LARP6: variants seen among roughly 807,000 people sequenced by gnomAD.
The protein encoded by LARP6 is la-related protein 6.
LARP6 carries 18 observed loss-of-function variants against 32.8 expected under a neutral mutation model. The observed-to-expected ratio is 0.55, with a 90% CI of 0.38 to 0.81. The LOEUF (loss-of-function observed/expected upper bound fraction) is 0.81, where lower values mean the gene tolerates loss of function less well. LARP6 is among the 40% of genes least tolerant of loss of function. The pLI, the probability that LARP6 is intolerant of heterozygous loss-of-function variation, is 0.00. For missense variants in LARP6, 598 were observed against 663.1 expected, an observed-to-expected ratio of 0.90 and a Z score of 1.08; for synonymous variants, 289 against 267.2, an observed-to-expected ratio of 1.08 and a Z score of -0.80.
chr15:70,843,945 C>T (rs866902196), intron 1 of LARP6, among the ~76,000 whole-genome samples: 74 of 147,042 alleles, frequency 5.0e-4, no homozygotes, highest in Middle Eastern at 4.0e-3. Context: ...CGTGAGCAAC[C>T]GCGCCCGACC....
At chr15:70,844,075 A>G (rs904632439) in intron 1 of LARP6, among the ~76,000 whole-genome samples, 2 of 149,408 alleles carry the variant, frequency 1.3e-5, no homozygotes, top group Admixed American at 6.7e-5. Context: ...TCCCACCTCA[A>G]CCTCTCAAGT....
chr15:70,832,966 C>G lies in LARP6; in HGVS notation c.562G>C (p.Val188Leu), dbSNP rs762250211. Residue 188 changes from valine (V) to leucine (L), a missense_variant, in exon 3 of 3, where the codon GTC (valine) becomes CTC (leucine). This residue lies in a region of LARP6 where 69 missense variants were observed against 116.7 expected (regional missense o/e 0.59). Transcript: ENST00000299213. The part of the protein sequence containing the change: ...NENLPSKMLL[V>L]YDLYLSPKLW... ...TTAGGAGACAAGTAGAGATCATAGA[C>G]CAGGAGCATCTTGCTGGGGAGGTTC... is the stretch of plus-strand genomic sequence containing the variant. 6.2e-7 allele frequency: 1 copy of G among 1,610,302 alleles called. No homozygotes were observed.
chr15:70,852,531 G>A (rs117569852), intron 1 of LARP6, among the ~76,000 whole-genome samples: 4,665 of 152,226 alleles, frequency 0.031, 106 homozygotes, highest in Middle Eastern at 0.078. Flanking sequence ...AAAGTTATAA[G>A]GATAAACCAC....
chr15:70,839,136 C>T (rs1002691113), intron 1 of LARP6, among the ~76,000 whole-genome samples: 3 of 152,070 alleles, frequency 2.0e-5, no homozygotes, highest in South Asian at 2.1e-4. Context: ...ACTGATGTCT[C>T]AAGGTAAATG....
chr15:70,844,308 A>G (rs944407406), intron 1 of LARP6, among the ~76,000 whole-genome samples: 28 of 152,186 alleles, frequency 1.8e-4, no homozygotes, highest in Non-Finnish European at 1.5e-4. Context: ...TTCCATAAAC[A>G]TTAAAAAGTA....
At chr15:70,839,153 G>A (rs1246804192) in intron 1 of LARP6, among the ~76,000 whole-genome samples, 1 of 152,118 alleles carries the variant, frequency 6.6e-6, no homozygotes, top group East Asian at 1.9e-4. Context: ...AATGTAGAGT[G>A]AAGAAGCCTG....
chr15:70,836,689 C>T (rs2032154875), intron 1 of LARP6, among the ~76,000 whole-genome samples, 184 bp from the exon 2 acceptor site: 1 of 152,168 alleles, frequency 6.6e-6, no homozygotes, highest in African/African-American at 2.4e-5. Flanking sequence ...CCTAATCCAA[C>T]ACAACTAGGG....
chr15:70,832,619 G>A lies in LARP6; in HGVS notation c.909C>T (p.Asp303=), dbSNP rs1595949293. Residue 303 remains aspartate, a synonymous_variant, in exon 3 of 3, where the codon GAC becomes GAT. Transcript: ENST00000299213. The part of the protein sequence containing the change: ...MKPPKKKPAK[D]KNHDEEPTAS... ...CAGTGGGCTCCTCGTCATGATTTTT[G>A]TCTTTGGCAGGTTTCTTTTTGGGTG... 7 of 1,607,208 alleles carry A rather than the reference G, an allele frequency of 4.4e-6. No individual in the cohort carries two copies. The East Asian group carries it at 1.6e-4, about 36-fold the overall frequency.
rs1159868434 is a variant in LARP6, at chr15:70,841,006, T to TG, written c.201-4502dup. On this transcript the variant is annotated intron_variant, in intron 1 of 2. Transcript: ENST00000299213. ...TCGGCTCACTGCAAGCTCCGCCTCC[T>TG]GGGTTCATGCCATTCTCCTGCCTCA... is the stretch of plus-strand genomic sequence containing the variant. 5.7e-4 allele frequency among the ~76,000 whole-genome samples: 86 copies of TG among 151,678 alleles called. No homozygotes were observed. In the East Asian group the frequency reaches 0.016, roughly 29 times the overall value.
rs572768870 is a variant in LARP6 at position 70,845,932 on chromosome 15, T to C, written c.200+7957A>G. Among the ~76,000 whole-genome samples, 21 of 152,406 alleles carry C rather than the reference T, an allele frequency of 1.4e-4. No homozygotes were observed. In the East Asian group the frequency reaches 3.9e-3, roughly 28 times the overall value. On this transcript the variant is annotated intron_variant, in intron 1 of 2. Coordinates refer to ENST00000299213, the MANE Select transcript of LARP6 (RefSeq NM_018357.4). The stretch of plus-strand genomic sequence containing the variant: ...CTTTCGCATCCCTAGATCTCCGTAG[T>C]GAGCTCATTCAATTCCTTTAGAAAA...
At chr15:70,852,463 A>G (rs1206436333) in intron 1 of LARP6, 2 of 261,244 alleles carry the variant, frequency 7.7e-6, no homozygotes, top group East Asian at 2.4e-4. Context: ...TAATGATACA[A>G]TCTCACAAAT....
Position 70,837,735 on chromosome 15 carries a change from G to A in LARP6, c.201-1230C>T, listed in dbSNP as rs80168972. 1.8e-3 allele frequency among the ~76,000 whole-genome samples: 273 copies of A among 152,226 alleles called. 1 individual carries two copies. The highest frequency in any genetic ancestry group is 6.4e-3 in the African/African-American group (266 of 41,530). ...ACTGACTCTCAAGCCATCTGCCTTGGCCTCCCAAAGTGCTGGAATTACAGA... is the reference window on the plus strand; with the variant it reads ...ACTGACTCTCAAGCCATCTGCCTTGACCTCCCAAAGTGCTGGAATTACAGA... On this transcript the variant is annotated intron_variant, in intron 1 of 2. Transcript: ENST00000299213.
At chr15:70,833,906 T>A (rs1315413578) in intron 2 of LARP6, among the ~76,000 whole-genome samples, 1 of 152,174 alleles carries the variant, frequency 6.6e-6, no homozygotes, top group Non-Finnish European at 1.5e-5. Flanking sequence ...CCTCCTCCTT[T>A]GTTGGTGGAA....
chr15:70,852,316 A>C (rs979575556), intron 1 of LARP6: 2 of 455,614 alleles, frequency 4.4e-6, no homozygotes, highest in Non-Finnish European at 8.8e-6. Context: ...GACTCAAGCC[A>C]CGGGAGCTGG....
At chr15:70,849,585 G>A (rs990552426) in intron 1 of LARP6, 3 of 152,100 alleles carry the variant, frequency 2.0e-5, no homozygotes, top group Non-Finnish European at 2.9e-5. Flanking sequence ...ATTATGCCTG[G>A]AATACTAGTA....
chr15:70,833,807 C>T (rs951541231), intron 2 of LARP6, among the ~76,000 whole-genome samples: 1 of 152,234 alleles, frequency 6.6e-6, no homozygotes, highest in African/African-American at 2.4e-5. Context: ...TCGCATTTCA[C>T]TGCAATATCT....
At chr15:70,833,881 G>T (rs941160535) in intron 2 of LARP6, among the ~76,000 whole-genome samples, 8 of 152,170 alleles carry the variant, frequency 5.3e-5, no homozygotes, top group African/African-American at 1.9e-4. Flanking sequence ...ACTAAGAATG[G>T]TGAAATAATC....
rs1203642102 is a variant in LARP6 at position 70,829,722 on chromosome 15, C to T, written c.*2330G>A. Reference sequence around the variant, plus strand: ...GCTTAGTAGAAAAGCCACGACTCGACCTCAGATCTGCTGACCCCCACTTCA... The same window carrying T: ...GCTTAGTAGAAAAGCCACGACTCGATCTCAGATCTGCTGACCCCCACTTCA... On this transcript the variant is annotated 3_prime_UTR_variant, in exon 3 of 3. Transcript: ENST00000299213. The T allele has an allele frequency of 6.6e-6, 1 of 151,506 alleles. No individual in the cohort carries two copies. Among genetic ancestry groups the T allele is most frequent in the Non-Finnish European group, 1.5e-5 (1 of 67,592 alleles). The allele number at this position is 151,506 out of a possible 1,614,324, so 9.4% of individuals were successfully genotyped here. A position where few individuals can be genotyped will look rare whatever the true frequency, so the allele number is the denominator to read the frequency against.
rs746229658 is a variant in LARP6, at chr15:70,832,219, G to A, written c.1309C>T (p.Arg437Cys). Reference sequence around the variant, plus strand: ...TCCTGGGTCCCCATCTCGGCTTGGCGACGCCTCCGGACCCAGGGGCTGCCA... The same window carrying A: ...TCCTGGGTCCCCATCTCGGCTTGGCAACGCCTCCGGACCCAGGGGCTGCCA... ...PSGSPWVRRR[R>C]QAEMGTQEKS... Residue 437 changes from arginine (R) to cysteine (C), a missense_variant, in exon 3 of 3, where the codon CGC becomes TGC. Coordinates refer to ENST00000299213, the MANE Select transcript of LARP6 (RefSeq NM_018357.4). The A allele has an allele frequency of 7.4e-6, 12 of 1,613,842 alleles. No homozygotes were observed. Among genetic ancestry groups the A allele is most frequent in the Middle Eastern group, 1.6e-4 (1 of 6,084 alleles).
Sources: allele counts gnomAD v4.1 joint callset (sites outside exome capture counted in the v4.1 genomes callset), GRCh38; gene constraint gnomAD v4.1.1; regional missense constraint gnomAD v4.1.1; transcripts MANE v1.5; gene names NCBI Gene and HGNC (gene_info 2026-07-23, HGNC 2026-07-21).